Variants in ARHGEF33 observed in about 807,000 individuals in gnomAD.
The protein encoded by ARHGEF33 is Rho guanine nucleotide exchange factor 33.
Under a neutral mutation model 101.9 loss-of-function variants are expected in ARHGEF33, and 72 were observed. The ratio of observed to expected loss-of-function variants is 0.71; its 90% CI spans 0.58 to 0.86. ARHGEF33 has a LOEUF of 0.86. Among genes scored for constraint, ARHGEF33 ranks in the 40% least tolerant of loss-of-function variants. The pLI, the probability that ARHGEF33 is intolerant of heterozygous loss-of-function variation, is 0.00. For synonymous variants in ARHGEF33, 499 were observed against 442.5 expected (o/e 1.13, Z -1.60); for missense variants, 1,169 against 1,111.3 (o/e 1.05, Z -0.74).
chr2:38,957,078 C>A, intron 14 of ARHGEF33, 31 bp downstream of exon 14: 1 of 1,550,402 alleles, frequency 6.4e-7, no homozygotes, highest in South Asian at 1.2e-5. Flanking sequence ...TCTAGAGGGT[C>A]GAAGACCAGT....
intron 4 of ARHGEF33, among the ~76,000 whole-genome samples, chr2:38,924,035 AG>A (rs1666816829): frequency 6.6e-6 from 1 of 152,230 alleles, no homozygotes; most frequent in Non-Finnish European, 1.5e-5. Context: ...AAAATCAGAA[AG>A]ACACAACAAA....
At chr2:38,923,261 C>A (rs1666800775) in intron 4 of ARHGEF33, among the ~76,000 whole-genome samples, 2 of 152,048 alleles carry the variant, frequency 1.3e-5, no homozygotes, top group Admixed American at 6.6e-5. Context: ...TAAAAGAACA[C>A]TTCCTAAGCC....
At chr2:38,894,076 T>C (rs1294438581) in intron 1 of ARHGEF33, among the ~76,000 whole-genome samples, 1 of 152,140 alleles carries the variant, frequency 6.6e-6, no homozygotes, top group African/African-American at 2.4e-5. Context: ...CCCAACACTT[T>C]AGGAGGCCGA....
At chr2:38,955,716 G>A (rs143544192) in intron 13 of ARHGEF33, among the ~76,000 whole-genome samples, 2,585 of 151,474 alleles carry the variant, frequency 0.017, 70 homozygotes, top group African/African-American at 0.059. Flanking sequence ...TCACTCTGTC[G>A]CCCAGGCTGG....
chr2:38,929,632 G>A (rs2124997874), intron 5 of ARHGEF33, 77 bp from the exon 6 acceptor site: 2 of 1,171,972 alleles, frequency 1.7e-6, no homozygotes, highest in Non-Finnish European at 2.3e-6. Context: ...TGTATTAAAA[G>A]TGTACAGTGT....
intron 17 of ARHGEF33, 145 bp from the exon 18 acceptor site, chr2:38,973,569 A>C (rs1308053409): frequency 2.2e-5 from 18 of 810,838 alleles, no homozygotes; most frequent in Non-Finnish European, 2.7e-5. Flanking sequence ...ACATGTCCTA[A>C]GTCATGAAAT....
intron 10 of ARHGEF33, 43 bp downstream of exon 10, chr2:38,944,073 A>T: frequency 6.6e-7 from 1 of 1,520,064 alleles, no homozygotes; most frequent in Non-Finnish European, 8.8e-7. Context: ...ATTGATTAGG[A>T]TTTAAGGTAA....
chr2:38,968,988 A>C (rs1197558513), intron 17 of ARHGEF33, among the ~76,000 whole-genome samples: 1 of 152,218 alleles, frequency 6.6e-6, no homozygotes. Flanking sequence ...CAGGAAGGGC[A>C]GTGGCTTTTA....
rs1572787970 is a variant in ARHGEF33 at position 38,973,691 on chromosome 2, TTATC to T, written c.2484-21_2484-18del. 3.3e-6 allele frequency: 5 copies of T among 1,508,488 alleles called. No individual in the cohort carries two copies. Among genetic ancestry groups the T allele is most frequent in the Non-Finnish European group, 2.7e-6 (3 of 1,126,230 alleles). 93.4% of individuals were successfully genotyped at this position (1,508,488 alleles called of 1,614,324 possible). On this transcript the variant is annotated intron_variant, in intron 17 of 17. Transcript: ENST00000409978. ...AATTAAAACCAAATCAACCTGTACTTTATCTGTGTGCTGAGATTTTAGGTCCAGT... is the reference window on the plus strand; with the variant it reads ...AATTAAAACCAAATCAACCTGTACTTTGTGTGCTGAGATTTTAGGTCCAGT...
At chr2:38,891,032 A>G (rs1387073074) in intron 1 of ARHGEF33, among the ~76,000 whole-genome samples, 2 of 149,558 alleles carry the variant, frequency 1.3e-5, no homozygotes, top group Admixed American at 6.7e-5. Context: ...ACCTGGGCTC[A>G]AGCAATCCTC....
At chr2:38,938,285 C>T (rs951186726) in intron 9 of ARHGEF33, among the ~76,000 whole-genome samples, 3 of 152,088 alleles carry the variant, frequency 2.0e-5, no homozygotes, top group African/African-American at 7.2e-5. Flanking sequence ...CTTGTAATCC[C>T]AGCACTTTGG....
intron 2 of ARHGEF33, among the ~76,000 whole-genome samples, chr2:38,901,505 C>A (rs1666237522): frequency 6.6e-6 from 1 of 152,176 alleles, no homozygotes; most frequent in Non-Finnish European, 1.5e-5. Context: ...TACTTCAGAC[C>A]TTGGAAGCTA....
At chr2:38,957,264 T>C (rs1667790391) in intron 14 of ARHGEF33, among the ~76,000 whole-genome samples, 1 of 152,230 alleles carries the variant, frequency 6.6e-6, no homozygotes, top group Non-Finnish European at 1.5e-5. Flanking sequence ...TTCACTCTAC[T>C]GCTTACATAG....
chr2:38,933,447 G>A (rs144258224), intron 7 of ARHGEF33, among the ~76,000 whole-genome samples: 5 of 151,848 alleles, frequency 3.3e-5, no homozygotes, highest in Non-Finnish European at 7.4e-5. Flanking sequence ...ACAATGGCGC[G>A]ATCTCGGCTC....
chr2:38,938,545 A>T (rs1667214778), intron 9 of ARHGEF33, among the ~76,000 whole-genome samples: 1 of 152,240 alleles, frequency 6.6e-6, no homozygotes, highest in Admixed American at 6.5e-5. Context: ...ACTCAAAAAA[A>T]TAAAAGTTTT....
intron 17 of ARHGEF33, chr2:38,973,168 T>C (rs935660097): frequency 6.6e-6 from 1 of 152,434 alleles, no homozygotes; most frequent in Non-Finnish European, 1.5e-5. Context: ...TTTGTGGTGG[T>C]TGAGATTATA....
chr2:38,948,416 T>C (rs1553344093), intron 10 of ARHGEF33, among the ~76,000 whole-genome samples: 1 of 152,134 alleles, frequency 6.6e-6, no homozygotes, highest in Non-Finnish European at 1.5e-5. Flanking sequence ...CCCTGAAATC[T>C]CAAACAGTCA....
intron 8 of ARHGEF33, 150 bp from the exon 9 acceptor site, chr2:38,937,185 A>G (rs891568033): frequency 3.2e-5 from 19 of 585,748 alleles, no homozygotes; most frequent in Middle Eastern, 4.6e-4. Context: ...TAGTAGAGAC[A>G]GGGTTTCACC....
In ARHGEF33 at chr2:38,960,551, C is replaced by T. The variant is rs758832860; in HGVS notation, c.2246C>T (p.Pro749Leu). ...KAERAAQAHG[P>L]AAAAVAARGA... ...GAGCGCGCCGCGCAGGCGCACGGCC[C>T]GGCCGCCGCCGCCGTCGCCGCCCGC... Residue 749 changes from proline (P) to leucine (L), a missense_variant, in exon 16 of 18, where the codon CCG becomes CTG. Physicochemically the swap from Pro to Leu is moderately conservative, Grantham distance 98. Transcript: ENST00000409978. The T allele has an allele frequency of 9.5e-6, 12 of 1,269,742 alleles. No homozygotes were observed. Among genetic ancestry groups the T allele is most frequent in the African/African-American group, 1.6e-5 (1 of 62,558 alleles). The allele number at this position is 1,269,742 out of a possible 1,614,324, so 78.7% of individuals were successfully genotyped here. A position where few individuals can be genotyped will look rare whatever the true frequency, so the allele number is the denominator to read the frequency against.
Sources: allele counts gnomAD v4.1 joint callset (sites outside exome capture counted in the v4.1 genomes callset), GRCh38; gene constraint gnomAD v4.1.1; transcripts MANE v1.5; gene names NCBI Gene and HGNC (gene_info 2026-07-23, HGNC 2026-07-21).